The following GREB1L variants were observed in gnomAD, a reference collection of about 807,000 sequenced individuals.
The protein encoded by GREB1L is GREB1-like protein.
GREB1L carries 17 observed loss-of-function variants against 200.8 expected under a neutral mutation model. The observed-to-expected ratio is 0.08, with a 90% confidence interval of 0.06 to 0.13. The LOEUF (loss-of-function observed/expected upper bound fraction) is 0.13. Ranked by LOEUF, GREB1L falls within the 10% of genes least tolerant of loss-of-function variation. The pLI, the probability that GREB1L is intolerant of heterozygous loss-of-function variation, is 1.00. For synonymous variants in GREB1L, 789 were observed against 893.0 expected, an observed-to-expected ratio of 0.88 and a Z score of 2.08; for missense variants, 1,657 against 2,367.7, an observed-to-expected ratio of 0.70 and a Z score of 6.23.
At chr18:21,457,972 T>TG (rs1476979655) in intron 15 of GREB1L, among the ~76,000 whole-genome samples, 2 of 150,436 alleles carry the variant, frequency 1.3e-5, no homozygotes, top group African/African-American at 2.5e-5. Context: ...CAGTTTTTTT[T>TG]TTTTTTTTTT....
intron 1 of GREB1L, among the ~76,000 whole-genome samples, chr18:21,242,718 G>A (rs1293817638): frequency 6.6e-6 from 1 of 152,180 alleles, no homozygotes; most frequent in Non-Finnish European, 1.5e-5. Context: ...TCTACTCGCT[G>A]CCTTTGTGGC....
rs2037644917 is a variant in GREB1L at position 21,523,998 on chromosome 18, T to C, written c.*1177T>C. The C allele has an allele frequency of 6.6e-6, 1 of 152,170 alleles. No homozygotes were observed. The highest frequency in any genetic ancestry group is 1.5e-5 in the Non-Finnish European group (1 of 68,016). 9.4% of individuals were successfully genotyped at this position (152,170 alleles called of 1,614,324 possible). A position where few individuals can be genotyped will look rare whatever the true frequency, so the allele number is the denominator to read the frequency against. On this transcript the variant is annotated 3_prime_UTR_variant, in exon 33 of 33. Coordinates refer to ENST00000424526, the MANE Select transcript of GREB1L (RefSeq NM_001142966.3). ...TATGTTTCTACAGATTTCTCAAATA[T>C]TTTAATCAAAAACATTATTTTTAGA...
chr18:21,267,548 G>C (rs569937696), intron 1 of GREB1L, among the ~76,000 whole-genome samples: 5 of 152,076 alleles, frequency 3.3e-5, no homozygotes, highest in Non-Finnish European at 7.4e-5. Context: ...TGAAGTTACA[G>C]AGAGTAGGAA....
In GREB1L at chr18:21,523,245, G is replaced by A. The variant is rs192883827; in HGVS notation, c.*424G>A. Reference sequence around the variant, plus strand: ...GAATCAATTGAAGATTAACGTTTGAGGCCTGAACCCTCAGTTTCTCTTCAG... The same window carrying A: ...GAATCAATTGAAGATTAACGTTTGAAGCCTGAACCCTCAGTTTCTCTTCAG... On this transcript the variant is annotated 3_prime_UTR_variant, in exon 33 of 33. Coordinates refer to ENST00000424526, the MANE Select transcript of GREB1L (RefSeq NM_001142966.3). The A allele has an allele frequency of 2.1e-4, 32 of 154,164 alleles. No individual in the cohort carries two copies. The East Asian group carries it at 5.0e-3, about 24-fold the overall frequency. The allele number at this position is 154,164 out of a possible 1,614,324, so 9.5% of individuals were successfully genotyped here.
intron 23 of GREB1L, among the ~76,000 whole-genome samples, chr18:21,504,593 T>A (rs2036936210): frequency 6.6e-6 from 1 of 152,122 alleles, no homozygotes; most frequent in Admixed American, 6.5e-5. Context: ...TCCAGCACTT[T>A]GGGAGGCTGA....
At chr18:21,515,242 G>A (rs1234601410) in intron 28 of GREB1L, among the ~76,000 whole-genome samples, 175 bp from the exon 29 acceptor site, 1 of 152,126 alleles carries the variant, frequency 6.6e-6, no homozygotes, top group African/African-American at 2.4e-5. Flanking sequence ...CTTTATAATA[G>A]TGACAGGCAG....
chr18:21,470,185 C>T (rs1044228244), intron 15 of GREB1L, among the ~76,000 whole-genome samples: 2 of 151,822 alleles, frequency 1.3e-5, no homozygotes, highest in South Asian at 2.1e-4. Context: ...CTACTCAGGA[C>T]GCTGAGGCAG....
At chr18:21,357,159 A>G (rs1163522346) in intron 1 of GREB1L, among the ~76,000 whole-genome samples, 1 of 152,120 alleles carries the variant, frequency 6.6e-6, no homozygotes, top group Non-Finnish European at 1.5e-5. Context: ...GGTTCAAGCA[A>G]TTCTTCTGCC....
At chr18:21,280,517 C>A (rs1349378516) in intron 1 of GREB1L, among the ~76,000 whole-genome samples, 2 of 151,722 alleles carry the variant, frequency 1.3e-5, no homozygotes, top group Non-Finnish European at 2.9e-5. Context: ...GCTAAAAACA[C>A]TTGTGTGCAG....
chr18:21,406,576 T>C (rs2030261872), intron 7 of GREB1L, among the ~76,000 whole-genome samples: 1 of 152,264 alleles, frequency 6.6e-6, no homozygotes, highest in African/African-American at 2.4e-5. Context: ...AAATTTCATG[T>C]TGGCATTATG....
chr18:21,356,108 G>C (rs1046341174), intron 1 of GREB1L, among the ~76,000 whole-genome samples: 2 of 150,632 alleles, frequency 1.3e-5, no homozygotes, highest in Non-Finnish European at 3.0e-5. Flanking sequence ...TGAGTAGCTG[G>C]GATTACAGGC....
intron 7 of GREB1L, among the ~76,000 whole-genome samples, chr18:21,435,295 G>C (rs1472827654): frequency 6.6e-6 from 1 of 152,208 alleles, no homozygotes; most frequent in Non-Finnish European, 1.5e-5. Flanking sequence ...TTACTTGGAA[G>C]TGACATAACA....
intron 2 of GREB1L, among the ~76,000 whole-genome samples, chr18:21,372,292 C>T (rs2039905264): frequency 6.6e-6 from 1 of 151,728 alleles, no homozygotes; most frequent in Admixed American, 6.6e-5. Context: ...GGATTACAGG[C>T]ACCCGCCACC....
At chr18:21,381,889 C>T (rs1245178657) in intron 2 of GREB1L, among the ~76,000 whole-genome samples, 1 of 152,146 alleles carries the variant, frequency 6.6e-6, no homozygotes, top group Non-Finnish European at 1.5e-5. Flanking sequence ...TTTGTCACAG[C>T]TGTTTGGGGA....
chr18:21,291,718 A>G (rs576426950), intron 1 of GREB1L, among the ~76,000 whole-genome samples: 1 of 152,182 alleles, frequency 6.6e-6, no homozygotes, highest in Non-Finnish European at 1.5e-5. Context: ...ACTTCCTTAT[A>G]AGGTTGAACT....
chr18:21,327,363 G>A (rs917316463), intron 1 of GREB1L, among the ~76,000 whole-genome samples: 7 of 152,212 alleles, frequency 4.6e-5, no homozygotes, highest in South Asian at 2.1e-4. Context: ...TCCCAGACCT[G>A]TTGGGTCACT....
chr18:21,405,499 A>G (rs891357158), intron 7 of GREB1L, among the ~76,000 whole-genome samples: 18 of 152,216 alleles, frequency 1.2e-4, no homozygotes, highest in Admixed American at 4.6e-4. Flanking sequence ...GATGTCTGCA[A>G]TGATTTAAAA....
chr18:21,246,111 A>G (rs1438127645), intron 1 of GREB1L, among the ~76,000 whole-genome samples: 1 of 151,422 alleles, frequency 6.6e-6, no homozygotes, highest in Admixed American at 6.6e-5. Flanking sequence ...TTCTTGAGGG[A>G]TAGTATAATG....
intron 1 of GREB1L, among the ~76,000 whole-genome samples, chr18:21,261,176 A>G (rs1267528556): frequency 6.6e-6 from 1 of 152,022 alleles, no homozygotes; most frequent in Admixed American, 6.6e-5. Context: ...TTTAGACTAT[A>G]TATATATTTT....
Sources: gnomAD v4.1 joint callset for allele counts (sites outside exome capture counted in the v4.1 genomes callset) on GRCh38, gnomAD v4.1.1 for gene constraint, MANE v1.5 for transcripts, NCBI Gene and HGNC (gene_info 2026-07-23, HGNC 2026-07-21) for gene names.